Variants in SPAG16 observed in about 807,000 individuals in gnomAD.
SPAG16 encodes sperm-associated antigen 16 protein.
Under a neutral mutation model 80.4 loss-of-function variants are expected in SPAG16, and 86 were observed. The observed-to-expected ratio is 1.07, with a 90% CI of 0.90 to 1.28. SPAG16 has a LOEUF of 1.28. SPAG16 is among the 50% of genes most tolerant of loss of function. The probability of loss-of-function intolerance (pLI) is 0.00; values close to 1 mark genes in which losing one functional copy is unlikely to be tolerated. For missense variants in SPAG16, 870 were observed against 765.3 expected (o/e 1.14, Z -1.61); for synonymous variants, 294 against 265.9 (o/e 1.11, Z -1.03).
chr2:214,380,511 CTTTTA>C (rs886450195), intron 15 of SPAG16, among the ~76,000 whole-genome samples: 12 of 152,038 alleles, frequency 7.9e-5, no homozygotes, highest in East Asian at 1.9e-4. Flanking sequence ...ACCCAAAGTT[CTTTTA>C]TTTTATTTTT....
intron 10 of SPAG16, among the ~76,000 whole-genome samples, chr2:213,649,353 G>T (rs1251551515): frequency 1.3e-5 from 2 of 152,148 alleles, no homozygotes; most frequent in Non-Finnish European, 2.9e-5. Flanking sequence ...CTGGAGAAAG[G>T]TTATACAATG....
At chr2:213,301,756 CCTT>C (rs2062749325) in intron 3 of SPAG16, among the ~76,000 whole-genome samples, 1 of 152,128 alleles carries the variant, frequency 6.6e-6, no homozygotes. Context: ...CCTGCCTTTG[CCTT>C]CTTGATATGC....
At position 213,307,474 on chromosome 2, in the gene SPAG16, C is replaced by T. The variant is rs551762641; in HGVS notation, c.280-2585C>T. 1.1e-3 allele frequency among the ~76,000 whole-genome samples: 158 copies of T among 141,716 alleles called. 1 individual carries two copies. The highest frequency in any genetic ancestry group is 3.9e-3 in the African/African-American group (148 of 38,090). 93.0% of individuals were successfully genotyped at this position (141,716 alleles called of 152,430 possible). ...TGCGGTGTTTGGTTTTTTGTTCTTG[C>T]GATAGTTTACTGAGAATGATGATTT... On this transcript the variant is annotated intron_variant, in intron 3 of 15. Transcript: ENST00000331683.
intron 13 of SPAG16, among the ~76,000 whole-genome samples, chr2:214,048,359 T>C (rs2049454542): frequency 6.6e-6 from 1 of 152,166 alleles, no homozygotes; most frequent in African/African-American, 2.4e-5. Flanking sequence ...ATTTACAGAA[T>C]GGAATATTAT....
chr2:214,364,392 CCT>C (rs1007070712), intron 15 of SPAG16, among the ~76,000 whole-genome samples: 2 of 152,096 alleles, frequency 1.3e-5, no homozygotes, highest in African/African-American at 4.8e-5. Context: ...GGTACTTACT[CCT>C]CTGTGTTCCC....
At chr2:214,369,643 G>T (rs1699690477) in intron 15 of SPAG16, among the ~76,000 whole-genome samples, 1 of 151,758 alleles carries the variant, frequency 6.6e-6, no homozygotes, top group Non-Finnish European at 1.5e-5. Flanking sequence ...TTCTCAACAT[G>T]TGGCATGCCC....
At chr2:213,786,666 A>T (rs1053646401) in intron 10 of SPAG16, among the ~76,000 whole-genome samples, 1 of 152,192 alleles carries the variant, frequency 6.6e-6, no homozygotes, top group Admixed American at 6.5e-5. Context: ...TTCATAAAAC[A>T]TATGGCAGAA....
At chr2:213,295,945 T>C in intron 1 of SPAG16, 119 bp from the exon 2 acceptor site, 1 of 745,160 alleles carries the variant, frequency 1.3e-6, no homozygotes, top group Non-Finnish European at 2.2e-6. Flanking sequence ...AAATTATATA[T>C]ATTTACCAAC....
intron 9 of SPAG16, among the ~76,000 whole-genome samples, chr2:213,427,908 T>A (rs1443100660): frequency 6.6e-6 from 1 of 152,206 alleles, no homozygotes; most frequent in East Asian, 1.9e-4. Context: ...ATATAATTAA[T>A]CTAAAAATTA....
intron 10 of SPAG16, among the ~76,000 whole-genome samples, chr2:213,665,719 A>C (rs1296835923): frequency 1.3e-5 from 2 of 152,178 alleles, no homozygotes; most frequent in East Asian, 3.8e-4. Flanking sequence ...CATATTTTTT[A>C]AATTAATTAA....
At chr2:214,307,229 T>C (rs1054549922) in intron 15 of SPAG16, among the ~76,000 whole-genome samples, 1 of 152,172 alleles carries the variant, frequency 6.6e-6, no homozygotes, top group Non-Finnish European at 1.5e-5. Flanking sequence ...TCAATGGTAA[T>C]ATCCCCCTTT....
chr2:213,698,521 C>A (rs1261498262), intron 10 of SPAG16, among the ~76,000 whole-genome samples: 1 of 152,178 alleles, frequency 6.6e-6, no homozygotes, highest in Non-Finnish European at 1.5e-5. Context: ...CTCAGCCTCC[C>A]AAAACTCTGA....
At chr2:213,598,601 A>C (rs1490888040) in intron 10 of SPAG16, among the ~76,000 whole-genome samples, 1 of 152,156 alleles carries the variant, frequency 6.6e-6, no homozygotes, top group Non-Finnish European at 1.5e-5. Context: ...ACCTCCTCTC[A>C]TGAATTGTTT....
At chr2:213,976,442 T>G (rs2045411784) in intron 12 of SPAG16, among the ~76,000 whole-genome samples, 1 of 151,718 alleles carries the variant, frequency 6.6e-6, no homozygotes, top group South Asian at 2.1e-4. Context: ...CACAAATATA[T>G]CCTATTGGAC....
intron 6 of SPAG16, among the ~76,000 whole-genome samples, chr2:213,347,584 T>C (rs1211600121): frequency 6.6e-6 from 1 of 152,226 alleles, no homozygotes; most frequent in Non-Finnish European, 1.5e-5. Context: ...TGGTATGTTG[T>C]ATCTTTGTTC....
At chr2:213,950,621 CCTTCCTTCCTTG>C (rs2079705332) in intron 12 of SPAG16, among the ~76,000 whole-genome samples, 1 of 151,058 alleles carries the variant, frequency 6.6e-6, no homozygotes, top group South Asian at 2.1e-4. Flanking sequence ...TTGCTTGCTT[CCTTCCTTCCTTG>C]CTTCCTCCCT....
chr2:213,958,629 G>A (rs1575652274), intron 12 of SPAG16, among the ~76,000 whole-genome samples: 1 of 152,096 alleles, frequency 6.6e-6, no homozygotes, highest in Admixed American at 6.5e-5. Context: ...TACATATAAT[G>A]TGCCAAAAAC....
intron 15 of SPAG16, among the ~76,000 whole-genome samples, chr2:214,330,112 G>GA (rs5838429): frequency 0.26 from 35,758 of 139,722 alleles, 4,849 homozygotes; most frequent in African/African-American, 0.38. Flanking sequence ...ACCAAAAATA[G>GA]AAAAAAAAAA....
chr2:214,266,350 A>G (rs1471781880), intron 15 of SPAG16, among the ~76,000 whole-genome samples: 1 of 151,954 alleles, frequency 6.6e-6, no homozygotes, highest in South Asian at 2.1e-4. Context: ...AATGATTTGC[A>G]TGGAAGTTTT....
Sources: allele counts gnomAD v4.1 joint callset (sites outside exome capture counted in the v4.1 genomes callset), GRCh38; gene constraint gnomAD v4.1.1; transcripts MANE v1.5; gene names NCBI Gene and HGNC (gene_info 2026-07-23, HGNC 2026-07-21).